The following CSMD3 variants were observed in gnomAD, a reference collection of about 807,000 sequenced individuals.
The protein encoded by CSMD3 is CUB and Sushi multiple domains 3.
In CSMD3, 177 loss-of-function variants were observed where a neutral mutation model predicts 435.2. The observed-to-expected ratio is 0.41, with a 90% CI of 0.36 to 0.46. CSMD3 has a LOEUF of 0.46. Among genes scored for constraint, CSMD3 ranks in the 20% least tolerant of loss-of-function variants. The pLI is 0.34. For synonymous variants in CSMD3, 1,656 were observed against 1,520.5 expected (o/e 1.09, Z -2.07); for missense variants, 4,265 against 4,504.6 (o/e 0.95, Z 1.52).
chr8:113,259,863 T>C (rs989578891), intron 3 of CSMD3, among the ~76,000 whole-genome samples: 3 of 152,060 alleles, frequency 2.0e-5, no homozygotes, highest in African/African-American at 7.2e-5. Context: ...CCCACCCAAA[T>C]CTTATCTTCA....
chr8:112,492,393 T>TGTGG, intron 31 of CSMD3, 96 bp downstream of exon 31: 1 of 913,628 alleles, frequency 1.1e-6, no homozygotes. Context: ...GTAGATTGTA[T>TGTGG]GTGGAATAGT....
At chr8:112,541,700 TC>T (rs774530332) in intron 27 of CSMD3, among the ~76,000 whole-genome samples, 7 of 151,810 alleles carry the variant, frequency 4.6e-5, no homozygotes, top group Non-Finnish European at 8.8e-5. Flanking sequence ...TCTATCCTTC[TC>T]AAACTCTTCC....
chr8:113,060,085 T>C (rs1318628878), intron 5 of CSMD3, among the ~76,000 whole-genome samples: 1 of 141,860 alleles, frequency 7.0e-6, no homozygotes, highest in Non-Finnish European at 1.5e-5. Context: ...GCTGGTGCGC[T>C]GCACCCACTA....
At chr8:112,524,377 C>T (rs1824636146) in intron 27 of CSMD3, among the ~76,000 whole-genome samples, 1 of 151,206 alleles carries the variant, frequency 6.6e-6, no homozygotes, top group South Asian at 2.1e-4. Context: ...AAAATGGTTT[C>T]ACATTACTTC....
chr8:113,289,566 G>C (rs2093671007), intron 2 of CSMD3, among the ~76,000 whole-genome samples: 1 of 150,770 alleles, frequency 6.6e-6, no homozygotes, highest in Non-Finnish European at 1.5e-5. Flanking sequence ...GAGAGAGAGA[G>C]AGAGAGAGAG....
At chr8:113,079,970 C>A (rs1324920496) in intron 5 of CSMD3, among the ~76,000 whole-genome samples, 1 of 152,172 alleles carries the variant, frequency 6.6e-6, no homozygotes, top group South Asian at 2.1e-4. Context: ...CTCCACATTT[C>A]TCCACTTCTA....
At chr8:113,169,318 G>A (rs2092224028) in intron 4 of CSMD3, among the ~76,000 whole-genome samples, 1 of 152,036 alleles carries the variant, frequency 6.6e-6, no homozygotes, top group Non-Finnish European at 1.5e-5. Context: ...ATATGGTTTA[G>A]GTCACTCAGC....
intron 4 of CSMD3, among the ~76,000 whole-genome samples, chr8:113,120,894 A>G (rs1475295835): frequency 6.6e-6 from 1 of 152,166 alleles, no homozygotes; most frequent in Admixed American, 6.6e-5. Context: ...GTATAGTAAT[A>G]TAAGAGGTGG....
At chr8:113,194,803 T>C (rs2092631895) in intron 3 of CSMD3, among the ~76,000 whole-genome samples, 1 of 151,286 alleles carries the variant, frequency 6.6e-6, no homozygotes, top group Non-Finnish European at 1.5e-5. Context: ...ATAATCTTAA[T>C]CCTGCTATAA....
intron 1 of CSMD3, among the ~76,000 whole-genome samples, chr8:113,400,681 T>G (rs1246400100): frequency 6.6e-6 from 1 of 151,878 alleles, no homozygotes; most frequent in African/African-American, 2.4e-5. Flanking sequence ...CTCTGTAAGT[T>G]AAGCATTGAT....
At chr8:112,692,913 ATATCTATCTATCTATCTATC>A (rs6150766) in intron 13 of CSMD3, among the ~76,000 whole-genome samples, 1,978 of 144,594 alleles carry the variant, frequency 0.014, 38 homozygotes, top group African/African-American at 0.043. Context: ...ATTAATCTTT[ATATCTATCTATCTATCTATC>A]TATCTATCTA....
intron 16 of CSMD3, among the ~76,000 whole-genome samples, chr8:112,673,593 T>C (rs1004375166): frequency 1.3e-5 from 2 of 152,260 alleles, no homozygotes; most frequent in Admixed American, 6.6e-5. Flanking sequence ...ATCAAATTGT[T>C]ACTCTAATTG....
chr8:113,120,120 A>G (rs1400706646), intron 4 of CSMD3, among the ~76,000 whole-genome samples: 1 of 152,012 alleles, frequency 6.6e-6, no homozygotes, highest in Non-Finnish European at 1.5e-5. Context: ...ACATACTCCA[A>G]AAAAGTCTAA....
chr8:112,436,795 G>A (rs1002346368), intron 32 of CSMD3, among the ~76,000 whole-genome samples: 4 of 151,938 alleles, frequency 2.6e-5, no homozygotes, highest in African/African-American at 9.7e-5. Context: ...AGCGTAGTAG[G>A]AGTCTACTGA....
At chr8:112,353,093 A>T (rs1826279922) in intron 38 of CSMD3, among the ~76,000 whole-genome samples, 1 of 152,130 alleles carries the variant, frequency 6.6e-6, no homozygotes, top group Non-Finnish European at 1.5e-5. Flanking sequence ...TGAAGATACT[A>T]TAATCAAAAA....
At chr8:112,791,690 A>AGTCCTAAGGTCCTC (rs2078697171) in intron 13 of CSMD3, among the ~76,000 whole-genome samples, 10 of 152,156 alleles carry the variant, frequency 6.6e-5, no homozygotes, top group African/African-American at 2.2e-4. Flanking sequence ...TCTACTATGT[A>AGTCCTAAGGTCCTC]TATTCTCATA....
At chr8:112,690,351 T>C (rs934996994) in intron 13 of CSMD3, among the ~76,000 whole-genome samples, 9 of 151,972 alleles carry the variant, frequency 5.9e-5, no homozygotes, top group Non-Finnish European at 1.0e-4. Context: ...TTTCTCTCTG[T>C]ACTACATATA....
intron 63 of CSMD3, among the ~76,000 whole-genome samples, chr8:112,253,558 G>A (rs1815477742): frequency 6.6e-6 from 1 of 151,918 alleles, no homozygotes; most frequent in African/African-American, 2.4e-5. Context: ...AGGGCAATTG[G>A]GTAATGTGTA....
At chr8:112,478,719 A>G (rs532135381) in intron 31 of CSMD3, among the ~76,000 whole-genome samples, 1 of 152,312 alleles carries the variant, frequency 6.6e-6, no homozygotes, top group East Asian at 1.9e-4. Flanking sequence ...CCCACCTTCA[A>G]GCAAAAAACA....
Sources: allele counts gnomAD v4.1 joint callset (sites outside exome capture counted in the v4.1 genomes callset), GRCh38; gene constraint gnomAD v4.1.1; transcripts MANE v1.5; gene names NCBI Gene and HGNC (gene_info 2026-07-23, HGNC 2026-07-21).